The following MUS81 variants were observed in gnomAD, a reference collection of about 807,000 sequenced individuals.
MUS81 encodes MUS81 structure-specific endonuclease subunit.
In MUS81, 69 loss-of-function variants were observed where a neutral mutation model predicts 74.2. The observed-to-expected ratio is 0.93, with a 90% CI of 0.77 to 1.14. The LOEUF (loss-of-function observed/expected upper bound fraction) is 1.14. MUS81 is among the 50% of genes most tolerant of loss of function. The pLI, the probability that MUS81 is intolerant of heterozygous loss-of-function variation, is 0.00. For synonymous variants in MUS81, 303 were observed against 300.6 expected, an observed-to-expected ratio of 1.01 and a Z score of -0.08; for missense variants, 711 against 726.5, an observed-to-expected ratio of 0.98 and a Z score of 0.25.
In MUS81 at chr11:65,865,060, C is replaced by A; in HGVS notation, c.1316C>A (p.Pro439His). The change falls in exon 13 of 16, where the codon CCT becomes CAT. Residue 439 changes from proline (P) to histidine (H), a missense_variant. Physicochemically the swap from Pro to His is moderately conservative, Grantham distance 77. Transcript: ENST00000308110. Reference protein sequence around the residue: ...RSRPWGTPGNPESGAMTSPNP... With the variant: ...RSRPWGTPGNHESGAMTSPNP... ...CGCCCCTGGGGAACCCCTGGGAACC[C>A]TGAATCAGGGGCCATGACCTCTCCA... The A allele has an allele frequency of 6.2e-7, 1 of 1,614,118 alleles. No homozygotes were observed. The highest frequency in any genetic ancestry group is 8.5e-7 in the Non-Finnish European group (1 of 1,180,026).
downstream of MUS81, chr11:65,866,733 A>AT (rs775534736): frequency 2.6e-6 from 2 of 775,110 alleles, no homozygotes; most frequent in Admixed American, 2.0e-5. Context: ...AGAGACCCCC[A>AT]TTTAGGTGAA....
At chr11:65,865,475 G>C in intron 14 of MUS81, 152 bp downstream of exon 14, 1 of 812,180 alleles carries the variant, frequency 1.2e-6, no homozygotes, top group South Asian at 1.8e-5. Context: ...AGGTCAAGTG[G>C]GGAGGAAGCC....
intron 6 of MUS81, 23 bp from the exon 7 acceptor site, chr11:65,863,042 G>C: frequency 6.2e-7 from 1 of 1,613,740 alleles, no homozygotes; most frequent in East Asian, 2.2e-5. Context: ...AGGTAGAGCT[G>C]TGTTGTCCCC....
In MUS81 at chr11:65,864,782, C is replaced by T. The variant is rs1009604543; in HGVS notation, c.1239C>T (p.Ala413=). The T allele has an allele frequency of 6.2e-7, 1 of 1,613,846 alleles. No individual in the cohort carries two copies. Among genetic ancestry groups the T allele is most frequent in the Non-Finnish European group, 8.5e-7 (1 of 1,179,996 alleles). The change falls in exon 12 of 16, where the codon GCC becomes GCT. Residue 413 remains alanine, a synonymous_variant. Coordinates refer to ENST00000308110, the MANE Select transcript of MUS81 (RefSeq NM_025128.5). ...ADIKESAAYL[A]LLTRGLQRLY... ...TTAAGGAGTCAGCCGCCTACCTGGC[C>T]CTCTTGACGCGGGGCCTGCAGAGAC...
At chr11:65,866,744 C>G, downstream of MUS81, 2 of 834,190 alleles carry the variant, frequency 2.4e-6, no homozygotes, top group Middle Eastern at 4.3e-4. Context: ...TTTAGGTGAA[C>G]TTGGCCTGCC....
Position 65,865,908 on chromosome 11 carries a change from A to G in MUS81, c.1589+14A>G, listed in dbSNP as rs2134741446. 1 of 1,614,120 alleles carries G rather than the reference A, an allele frequency of 6.2e-7. No homozygotes were observed. The highest frequency in any genetic ancestry group is 2.2e-5 in the East Asian group (1 of 44,884). The stretch of plus-strand genomic sequence containing the variant: ...GCGTCTACAGAGGTGAGGGCAAGAG[A>G]CGGAACCTGGAGGGAGTGGCAGGGA... On this transcript the variant is annotated intron_variant, in intron 15 of 15. Coordinates refer to ENST00000308110, the MANE Select transcript of MUS81 (RefSeq NM_025128.5).
At position 65,863,657 on chromosome 11, in the gene MUS81, G is replaced by A. The variant is rs779508873; in HGVS notation, c.897G>A (p.Thr299=). Reference sequence around the variant, plus strand: ...TACAGCGGCTGCACGTGACCCACACGGTGCGCAAGCTGCACGTTGGAGATT... The same window carrying A: ...TACAGCGGCTGCACGTGACCCACACAGTGCGCAAGCTGCACGTTGGAGATT... The part of the protein sequence containing the change: ...RELQRLHVTH[T]VRKLHVGDFV... Residue 299 remains threonine (T), a synonymous_variant, in exon 9 of 16, where the codon ACG becomes ACA. Transcript: ENST00000308110. 48 of 1,613,936 alleles carry A rather than the reference G, an allele frequency of 3.0e-5. No homozygotes were observed. The South Asian group carries it at 3.3e-4, about 11-fold the overall frequency.
chr11:65,866,447 T>A (rs1287686272), downstream of MUS81: 14 of 699,260 alleles, frequency 2.0e-5, no homozygotes, highest in East Asian at 3.2e-4. Context: ...CCACTAACAG[T>A]CCAGTTGCCT....
downstream of MUS81, chr11:65,866,613 G>T: frequency 1.4e-6 from 1 of 702,962 alleles, no homozygotes. Context: ...TCTCTGGGCC[G>T]GGGCCTGGAG....
At position 65,865,795 on chromosome 11, in the gene MUS81, A is replaced by C; in HGVS notation, c.1506-16A>C. 1 of 1,613,034 alleles carries C rather than the reference A, an allele frequency of 6.2e-7. No individual in the cohort carries two copies. The highest frequency in any genetic ancestry group is 8.5e-7 in the Non-Finnish European group (1 of 1,179,630). On this transcript the variant is annotated splice_polypyrimidine_tract_variant and intron_variant, in intron 14 of 15. Transcript: ENST00000308110. The stretch of plus-strand genomic sequence containing the variant: ...GGCCACTGTCAGCCTCAGAAACTCA[A>C]ACCCCTGCCCCCCAGCCTCCTGGCC...
rs1390979295 is a variant in MUS81, at chr11:65,865,115, T to G, written c.1371T>G (p.Ser457Arg). ...PNPLCSLLTF[S>R]DFNAGAIKNK... ...CTCTCTGCTCACTCCTCACCTTCAG[T>G]GACTTCAACGCAGGAGCCATCAAGA... Residue 457 changes from serine to arginine, a missense_variant, in exon 13 of 16, where the codon AGT (serine) becomes AGG (arginine). By Grantham distance (110) the Ser-to-Arg change is moderately radical. Coordinates refer to ENST00000308110, the MANE Select transcript of MUS81 (RefSeq NM_025128.5). 1 of 1,614,214 alleles carries G rather than the reference T, an allele frequency of 6.2e-7. No homozygotes were observed. The highest frequency in any genetic ancestry group is 8.5e-7 in the Non-Finnish European group (1 of 1,180,030).
In MUS81 at chr11:65,865,821, G is replaced by T. The variant is rs199586046; in HGVS notation, c.1516G>T (p.Ala506Ser). 6.2e-7 allele frequency: 1 copy of T among 1,613,844 alleles called. No homozygotes were observed. The highest frequency in any genetic ancestry group is 1.7e-5 in the Admixed American group (1 of 60,004). Residue 506 changes from alanine to serine, a missense_variant, in exon 15 of 16, where the codon GCC becomes TCC. By Grantham distance (99) the Ala-to-Ser change is moderately conservative. Transcript: ENST00000308110. ...ACCCCTGCCCCCCAGCCTCCTGGCC[G>T]CCTATGATGCCTGTGCCACCCCCAA... ...RYSTPASLLA[A>S]YDACATPKEQ... is the part of the protein sequence containing the mutation.
Position 65,862,568 on chromosome 11 carries a change from A to T in MUS81, c.605+39A>T, listed in dbSNP as rs1429421264. ...CAGGAGATACAGGAGAGCATGAGTG[A>T]ACTTCTTAGTAGGGCCTTAGAGTCA... On this transcript the variant is annotated intron_variant, in intron 6 of 15. Coordinates refer to ENST00000308110, the MANE Select transcript of MUS81 (RefSeq NM_025128.5). The T allele has an allele frequency of 8.2e-6, 13 of 1,583,832 alleles. No individual in the cohort carries two copies. The Middle Eastern group carries it at 6.6e-4, about 81-fold the overall frequency.
chr11:65,863,217 G>A lies in MUS81; in HGVS notation c.746+12G>A, dbSNP rs748142957. ...GCTTCAGCAGAGCTGTGAGGAGGAGGGCAGAGGAGTGGGGAAAACAGGGAG... is the reference window on the plus strand; with the variant it reads ...GCTTCAGCAGAGCTGTGAGGAGGAGAGCAGAGGAGTGGGGAAAACAGGGAG... On this transcript the variant is annotated intron_variant, in intron 7 of 15. Coordinates refer to ENST00000308110, the MANE Select transcript of MUS81 (RefSeq NM_025128.5). 16 of 1,608,102 alleles carry A rather than the reference G, an allele frequency of 9.9e-6. No homozygotes were observed. Among genetic ancestry groups the A allele is most frequent in the Non-Finnish European group, 1.3e-5 (15 of 1,176,754 alleles).
At position 65,860,732 on chromosome 11, in the gene MUS81, C is replaced by T. The variant is rs1859557015; in HGVS notation, c.-22C>T. ...TCCCAGTCCCGCGGGCGTGGAGCGC[C>T]GGAGGACCCGCCCTCGGGCTCATGG... is the stretch of plus-strand genomic sequence containing the variant. On this transcript the variant is annotated 5_prime_UTR_variant, in exon 1 of 16. Transcript: ENST00000308110. The T allele has an allele frequency of 1.3e-6, 2 of 1,532,602 alleles. No individual in the cohort carries two copies. Among genetic ancestry groups the T allele is most frequent in the East Asian group, 2.5e-5 (1 of 40,758 alleles). The allele number at this position is 1,532,602 out of a possible 1,614,324, so 94.9% of individuals were successfully genotyped here. A position where few individuals can be genotyped will look rare whatever the true frequency, so the allele number is the denominator to read the frequency against.
intron 6 of MUS81, 46 bp downstream of exon 6, chr11:65,862,575 T>G: frequency 2.6e-6 from 4 of 1,560,702 alleles, no homozygotes; most frequent in Non-Finnish European, 3.5e-6. Context: ...GTGAACTTCT[T>G]AGTAGGGCCT....
In MUS81 at chr11:65,863,791, G is replaced by A; in HGVS notation, c.962-13G>A. ...GGTAGGGGATCGCAAGCTAACGGCTGGCTTGTCAGCAGCAAACCCTGGGGA... is the reference window on the plus strand; with the variant it reads ...GGTAGGGGATCGCAAGCTAACGGCTAGCTTGTCAGCAGCAAACCCTGGGGA... On this transcript the variant is annotated splice_polypyrimidine_tract_variant and intron_variant, in intron 9 of 15. Coordinates refer to ENST00000308110, the MANE Select transcript of MUS81 (RefSeq NM_025128.5). The A allele has an allele frequency of 6.2e-7, 1 of 1,614,166 alleles. No homozygotes were observed. Among genetic ancestry groups the A allele is most frequent in the African/African-American group, 1.3e-5 (1 of 75,052 alleles).
At chr11:65,866,801 C>G, downstream of MUS81, 1 of 1,359,678 alleles carries the variant, frequency 7.4e-7, no homozygotes. Flanking sequence ...TGCAGTGTGA[C>G]CCGCCCACCT....
chr11:65,866,861 C>T, downstream of MUS81: 1 of 1,606,126 alleles, frequency 6.2e-7, no homozygotes, highest in Non-Finnish European at 8.5e-7. Flanking sequence ...CATTCTGCCC[C>T]TCACAACAGG....
Sources: allele counts gnomAD v4.1 joint callset, GRCh38; gene constraint gnomAD v4.1.1; transcripts MANE v1.5; gene names NCBI Gene and HGNC (gene_info 2026-07-23, HGNC 2026-07-21).